The following DNAI3 variants were observed in gnomAD, a reference collection of about 807,000 sequenced individuals.
DNAI3 encodes WD repeat domain 63.
DNAI3 carries 83 observed loss-of-function variants against 115.5 expected under a neutral mutation model. That is an observed-to-expected ratio of 0.72 (90% CI 0.60 to 0.86). DNAI3 has a LOEUF of 0.86. DNAI3 is among the 40% of genes least tolerant of loss of function. DNAI3 has a pLI of 0.00. For missense variants in DNAI3, 1,004 were observed against 1,075.8 expected (o/e 0.93, Z 0.93); for synonymous variants, 320 against 347.0 (o/e 0.92, Z 0.86).
At position 85,133,119 on chromosome 1, in the gene DNAI3, A is replaced by G; in HGVS notation, c.*121A>G. The G allele has an allele frequency of 1.7e-6, 2 of 1,191,342 alleles. No individual in the cohort carries two copies. The highest frequency in any genetic ancestry group is 2.8e-5 in the Admixed American group (1 of 35,166). The allele number at this position is 1,191,342 out of a possible 1,614,324, so 73.8% of individuals were successfully genotyped here. ...ATTTATAGACTTTTATTTCCCTGCT[A>G]TTAAAACTTTTGAATTTTAGCAATG... On this transcript the variant is annotated 3_prime_UTR_variant, in exon 23 of 23. Coordinates refer to ENST00000294664, the MANE Select transcript of DNAI3 (RefSeq NM_145172.5).
chr1:85,097,541 G>A (rs1212190248), intron 11 of DNAI3, 28 bp from the exon 12 acceptor site: 10 of 1,579,960 alleles, frequency 6.3e-6, no homozygotes, highest in African/African-American at 4.1e-5. Context: ...TTCTGAAAAG[G>A]TTATGATAAC....
At chr1:85,128,455 C>A (rs901772063) in intron 20 of DNAI3, among the ~76,000 whole-genome samples, 2 of 152,134 alleles carry the variant, frequency 1.3e-5, no homozygotes, top group African/African-American at 2.4e-5. Context: ...ATACAGTCAC[C>A]AGAAATACAA....
intron 15 of DNAI3, among the ~76,000 whole-genome samples, chr1:85,108,833 C>A (rs1440967526): frequency 5.3e-5 from 8 of 152,146 alleles, no homozygotes; most frequent in Admixed American, 2.0e-4. Context: ...TCAAAATCAT[C>A]ATGAATTCAA....
At chr1:85,088,771 C>G (rs369027835) in intron 7 of DNAI3, among the ~76,000 whole-genome samples, 1 of 151,856 alleles carries the variant, frequency 6.6e-6, no homozygotes, top group Non-Finnish European at 1.5e-5. Flanking sequence ...AATCATATTT[C>G]GAAAGTAAGA....
At chr1:85,066,957 A>G (rs954761894) in intron 1 of DNAI3, among the ~76,000 whole-genome samples, 3 of 152,190 alleles carry the variant, frequency 2.0e-5, no homozygotes, top group Non-Finnish European at 4.4e-5. Flanking sequence ...TGTATTATTC[A>G]TTTGGTTTCG....
intron 13 of DNAI3, among the ~76,000 whole-genome samples, chr1:85,104,129 T>TC (rs1655413967): frequency 6.7e-6 from 1 of 149,028 alleles, no homozygotes; most frequent in East Asian, 1.9e-4. Context: ...CCTTTTTTTT[T>TC]TTTTTTTTTG....
chr1:85,131,684 A>T (rs961512454), intron 22 of DNAI3, among the ~76,000 whole-genome samples: 1 of 152,134 alleles, frequency 6.6e-6, no homozygotes, highest in African/African-American at 2.4e-5. Context: ...CACTTAACAA[A>T]TGTTGATTTG....
chr1:85,083,567 T>C (rs1654693652), intron 5 of DNAI3, among the ~76,000 whole-genome samples: 1 of 152,186 alleles, frequency 6.6e-6, no homozygotes, highest in South Asian at 2.1e-4. Flanking sequence ...TTTTCAATTT[T>C]ATTTTTATGA....
chr1:85,095,668 A>G (rs1557715629), intron 10 of DNAI3, among the ~76,000 whole-genome samples: 1 of 152,100 alleles, frequency 6.6e-6, no homozygotes, highest in Non-Finnish European at 1.5e-5. Context: ...AATAACTACA[A>G]TTTGTTTCCA....
At chr1:85,079,099 C>T (rs1227250422) in intron 3 of DNAI3, among the ~76,000 whole-genome samples, 1 of 152,222 alleles carries the variant, frequency 6.6e-6, no homozygotes, top group Non-Finnish European at 1.5e-5. Context: ...GTGTGAGTCT[C>T]ACAGTCCCAC....
At chr1:85,119,073 T>C (rs1351195830) in intron 17 of DNAI3, among the ~76,000 whole-genome samples, 2 of 152,194 alleles carry the variant, frequency 1.3e-5, no homozygotes, top group African/African-American at 4.8e-5. Context: ...CACTACCAAA[T>C]AAATATGTGC....
intron 11 of DNAI3, among the ~76,000 whole-genome samples, chr1:85,096,982 A>G (rs1655145674): frequency 6.6e-6 from 1 of 152,170 alleles, no homozygotes; most frequent in Admixed American, 6.6e-5. Flanking sequence ...AATCACTTAC[A>G]ATTCTGTACT....
intron 7 of DNAI3, among the ~76,000 whole-genome samples, chr1:85,087,448 A>AG (rs1160522682): frequency 1.3e-5 from 2 of 150,294 alleles, no homozygotes; most frequent in Admixed American, 1.3e-4. Flanking sequence ...AAAAAAAAAA[A>AG]AAAAAAAAAA....
chr1:85,099,330 C>T (rs1655218643), intron 13 of DNAI3: 9 of 962,270 alleles, frequency 9.4e-6, no homozygotes, highest in Non-Finnish European at 1.1e-5. Context: ...ATTCTATACA[C>T]CAATAACAGA....
intron 1 of DNAI3, 110 bp from the exon 2 acceptor site, chr1:85,071,818 A>C: frequency 9.0e-7 from 1 of 1,106,530 alleles, no homozygotes; most frequent in Non-Finnish European, 1.3e-6. Flanking sequence ...CCCAGGGTAA[A>C]TCTTAGAAAA....
Position 85,093,662 on chromosome 1 carries a change from G to C in DNAI3, c.1048+14G>C. ...CAACTATCTATGGTGAGATGGAAAT[G>C]ATGGGGATTCCCTTTTGTGATAACA... On this transcript the variant is annotated intron_variant, in intron 9 of 22. Transcript: ENST00000294664. The C allele has an allele frequency of 6.2e-7, 1 of 1,613,430 alleles. No homozygotes were observed. Among genetic ancestry groups the C allele is most frequent in the Non-Finnish European group, 8.5e-7 (1 of 1,179,362 alleles).
At chr1:85,102,263 A>G (rs1655349438) in intron 13 of DNAI3, among the ~76,000 whole-genome samples, 1 of 152,164 alleles carries the variant, frequency 6.6e-6, no homozygotes. Flanking sequence ...TGGATAGCCC[A>G]AATACCCTGA....
chr1:85,065,832 GC>G (rs1279209446), intron 1 of DNAI3, among the ~76,000 whole-genome samples: 1 of 152,140 alleles, frequency 6.6e-6, no homozygotes, highest in Non-Finnish European at 1.5e-5. Flanking sequence ...TGTTACTTAT[GC>G]CTTCATCTAT....
chr1:85,101,989 G>A (rs1350494635), intron 13 of DNAI3, among the ~76,000 whole-genome samples: 1 of 151,392 alleles, frequency 6.6e-6, no homozygotes, highest in Non-Finnish European at 1.5e-5. Context: ...ATGACTTGGA[G>A]TTTAAGACCA....
Sources: gnomAD v4.1 joint callset for allele counts (sites outside exome capture counted in the v4.1 genomes callset) on GRCh38, gnomAD v4.1.1 for gene constraint, MANE v1.5 for transcripts, NCBI Gene and HGNC (gene_info 2026-07-23, HGNC 2026-07-21) for gene names.